The following SLC25A13 variants were observed in gnomAD, a reference collection of about 807,000 sequenced individuals.
The protein encoded by SLC25A13 is electrogenic aspartate/glutamate antiporter SLC25A13, mitochondrial.
Under a neutral mutation model 85.5 loss-of-function variants are expected in SLC25A13, and 70 were observed. The ratio of observed to expected loss-of-function variants is 0.82; its 90% CI spans 0.68 to 1.00. SLC25A13 has a LOEUF of 1.00. SLC25A13 is among the 50% of genes least tolerant of loss of function. SLC25A13 has a pLI of 0.00. For missense variants in SLC25A13, 765 were observed against 819.8 expected, an observed-to-expected ratio of 0.93 and a Z score of 0.82; for synonymous variants, 259 against 288.7, an observed-to-expected ratio of 0.90 and a Z score of 1.04.
In SLC25A13 at chr7:96,191,096, T is replaced by C; in HGVS notation, c.754+13A>G. On this transcript the variant is annotated intron_variant, in intron 7 of 17. Transcript: ENST00000265631. ...ATACTTGCAGGCTAGAATTCAGATA[T>C]ATTCTCACTCACCCTTAGTCACTTC... The C allele has an allele frequency of 1.2e-6, 2 of 1,613,902 alleles. No individual in the cohort carries two copies. The highest frequency in any genetic ancestry group is 1.1e-5 in the South Asian group (1 of 91,078).
chr7:96,281,503 G>A (rs755648279), intron 2 of SLC25A13, among the ~76,000 whole-genome samples: 22 of 151,796 alleles, frequency 1.4e-4, no homozygotes, highest in Admixed American at 3.3e-4. Flanking sequence ...TTCCATTCAC[G>A]CAAAGTGAAA....
chr7:96,234,425 A>G (rs73235911), intron 4 of SLC25A13, among the ~76,000 whole-genome samples: 12,508 of 152,216 alleles, frequency 0.082, 704 homozygotes, highest in South Asian at 0.15. Flanking sequence ...TATAGGGTGC[A>G]TAAGTAACTT....
chr7:96,120,372 G>A lies in SLC25A13; in HGVS notation c.*819C>T, dbSNP rs1225604087. 3 of 454,008 alleles carry A rather than the reference G, an allele frequency of 6.6e-6. No individual in the cohort carries two copies. The highest frequency in any genetic ancestry group is 6.0e-5 in the African/African-American group (3 of 50,006). The allele number at this position is 454,008 out of a possible 1,614,324, so 28.1% of individuals were successfully genotyped here. On this transcript the variant is annotated 3_prime_UTR_variant, in exon 18 of 18. Coordinates refer to ENST00000265631, the MANE Select transcript of SLC25A13 (RefSeq NM_014251.3). The stretch of plus-strand genomic sequence containing the variant: ...TTAAAAGCAAGTGGGTACCAATGAT[G>A]GGGAGATGAGGAGAATAGGGCAGGC...
At chr7:96,310,652 T>C (rs1584607620) in intron 1 of SLC25A13, among the ~76,000 whole-genome samples, 1 of 152,244 alleles carries the variant, frequency 6.6e-6, no homozygotes, top group African/African-American at 2.4e-5. Flanking sequence ...GAATCAATTA[T>C]TACTTGCAGG....
At chr7:96,308,285 C>T (rs1028369270) in intron 1 of SLC25A13, among the ~76,000 whole-genome samples, 2 of 152,166 alleles carry the variant, frequency 1.3e-5, no homozygotes, top group Non-Finnish European at 2.9e-5. Context: ...GACAATCTAG[C>T]AGCGCCTTGC....
intron 5 of SLC25A13, among the ~76,000 whole-genome samples, chr7:96,195,025 C>T (rs1311200329): frequency 2.6e-5 from 4 of 152,214 alleles, no homozygotes; most frequent in African/African-American, 7.2e-5. Flanking sequence ...TCACTCTACT[C>T]TCCTAGACAG....
chr7:96,126,766 T>C (rs1791745645), intron 15 of SLC25A13, among the ~76,000 whole-genome samples: 1 of 152,186 alleles, frequency 6.6e-6, no homozygotes, highest in Non-Finnish European at 1.5e-5. Flanking sequence ...TTTTTAAAAA[T>C]GCATTTCCTG....
At chr7:96,207,487 AT>A (rs1221023279) in intron 5 of SLC25A13, among the ~76,000 whole-genome samples, 1 of 152,146 alleles carries the variant, frequency 6.6e-6, no homozygotes, top group Non-Finnish European at 1.5e-5. Context: ...CACTAAGGAC[AT>A]TTCTAGTAAC....
intron 2 of SLC25A13, among the ~76,000 whole-genome samples, chr7:96,291,237 C>A (rs1443516086): frequency 1.3e-5 from 2 of 152,106 alleles, no homozygotes; most frequent in African/African-American, 4.8e-5. Flanking sequence ...CCAATGAGAA[C>A]AAAGACACAA....
chr7:96,185,590 T>A (rs1161002177), intron 9 of SLC25A13, among the ~76,000 whole-genome samples: 1 of 148,284 alleles, frequency 6.7e-6, no homozygotes, highest in Non-Finnish European at 1.5e-5. Flanking sequence ...AGCAAGACTC[T>A]ATCTCAAAAA....
chr7:96,257,395 C>A (rs1238996176), intron 3 of SLC25A13, among the ~76,000 whole-genome samples: 1 of 152,132 alleles, frequency 6.6e-6, no homozygotes, highest in African/African-American at 2.4e-5. Context: ...CACCACTGAT[C>A]CCACAGAAAT....
chr7:96,194,748 T>C (rs544553730), intron 5 of SLC25A13, among the ~76,000 whole-genome samples: 17 of 152,162 alleles, frequency 1.1e-4, no homozygotes, highest in Non-Finnish European at 1.8e-4. Flanking sequence ...GGAAGCCAAA[T>C]AGCAGTTGCA....
chr7:96,273,093 A>C (rs1261771540), intron 3 of SLC25A13, among the ~76,000 whole-genome samples: 1 of 152,222 alleles, frequency 6.6e-6, no homozygotes, highest in Non-Finnish European at 1.5e-5. Context: ...CCTCCTGAGG[A>C]GATACAATGG....
At position 96,170,046 on chromosome 7, in the gene SLC25A13, C is replaced by G. The variant is rs151256859; in HGVS notation, c.1310G>C (p.Cys437Ser). 6.2e-7 allele frequency: 1 copy of G among 1,614,110 alleles called. No individual in the cohort carries two copies. Among genetic ancestry groups the G allele is most frequent in the Non-Finnish European group, 8.5e-7 (1 of 1,179,940 alleles). The change falls in exon 13 of 18, where the codon TGC becomes TCC. Residue 437 changes from cysteine (C) to serine (S), a missense_variant and splice_region_variant. By Grantham distance (112) the Cys-to-Ser change is moderately radical. Transcript: ENST00000265631. ...PLAAEILAGGCAGGSQVIFTN... is the reference protein window; with the variant it reads ...PLAAEILAGGSAGGSQVIFTN... ...AAGAGAGCTTCAAAAGGTACTTACG[C>G]AGCCTCCAGCAAGAATTTCTGCTGC...
chr7:96,192,169 G>C (rs1261346243), intron 6 of SLC25A13, among the ~76,000 whole-genome samples: 1 of 152,116 alleles, frequency 6.6e-6, no homozygotes, highest in African/African-American at 2.4e-5. Context: ...CTAGAACTAA[G>C]GACTTGGGGG....
At chr7:96,170,199 G>T in intron 12 of SLC25A13, 74 bp from the exon 13 acceptor site, 1 of 1,258,552 alleles carries the variant, frequency 7.9e-7, no homozygotes, top group Non-Finnish European at 1.2e-6. Context: ...ATATGCATCT[G>T]TCAATATATG....
At chr7:96,306,064 G>C (rs1327206297) in intron 1 of SLC25A13, among the ~76,000 whole-genome samples, 1 of 152,188 alleles carries the variant, frequency 6.6e-6, no homozygotes, top group Non-Finnish European at 1.5e-5. Context: ...CAGCCCTGAG[G>C]AGTAGACACC....
chr7:96,133,440 T>C (rs1451614399), intron 14 of SLC25A13, among the ~76,000 whole-genome samples: 1 of 152,226 alleles, frequency 6.6e-6, no homozygotes. Flanking sequence ...CCGAGGGCTA[T>C]GCCCTTGGCT....
intron 1 of SLC25A13, among the ~76,000 whole-genome samples, chr7:96,307,200 T>C (rs1799778966): frequency 6.6e-6 from 1 of 151,966 alleles, no homozygotes; most frequent in Non-Finnish European, 1.5e-5. Context: ...CTTATATACA[T>C]CACAATTCAA....
Sources: gnomAD v4.1 joint callset for allele counts (sites outside exome capture counted in the v4.1 genomes callset) on GRCh38, gnomAD v4.1.1 for gene constraint, MANE v1.5 for transcripts, NCBI Gene and HGNC (gene_info 2026-07-23, HGNC 2026-07-21) for gene names.